PCDH9: variants seen among roughly 807,000 people sequenced by gnomAD.
The protein encoded by PCDH9 is protocadherin-9.
A neutral mutation model predicts 70.6 loss-of-function variants in PCDH9; 24 were observed. The observed-to-expected ratio is 0.34, with a 90% CI of 0.25 to 0.48. PCDH9 has a LOEUF of 0.48. PCDH9 is among the 20% of genes least tolerant of loss of function. The probability of loss-of-function intolerance (pLI) is 0.99; values close to 1 mark genes in which losing one functional copy is unlikely to be tolerated. For missense variants in PCDH9, 1,281 were observed against 1,503.6 expected, an observed-to-expected ratio of 0.85 and a Z score of 2.45; for synonymous variants, 562 against 558.5, an observed-to-expected ratio of 1.01 and a Z score of -0.09.
At chr13:66,780,758 G>A (rs921173906) in intron 3 of PCDH9, among the ~76,000 whole-genome samples, 4 of 146,674 alleles carry the variant, frequency 2.7e-5, no homozygotes, top group Non-Finnish European at 5.9e-5. Flanking sequence ...ACAGTGGAAT[G>A]TAAGTCCTAG....
At chr13:66,951,574 G>A (rs1449702427) in intron 2 of PCDH9, among the ~76,000 whole-genome samples, 1 of 152,120 alleles carries the variant, frequency 6.6e-6, no homozygotes, top group African/African-American at 2.4e-5. Flanking sequence ...GAGTGAACTG[G>A]AGAGAAGAGA....
At chr13:66,994,269 A>C (rs1011085585) in intron 2 of PCDH9, among the ~76,000 whole-genome samples, 2 of 152,122 alleles carry the variant, frequency 1.3e-5, no homozygotes, top group Non-Finnish European at 2.9e-5. Flanking sequence ...CTGGCACTGC[A>C]ACCAGCAAAT....
At chr13:66,662,725 G>A (rs1169671864) in intron 3 of PCDH9, among the ~76,000 whole-genome samples, 1 of 152,140 alleles carries the variant, frequency 6.6e-6, no homozygotes, top group Non-Finnish European at 1.5e-5. Context: ...TAGGGTTCTG[G>A]TCTGTTTTAT....
At chr13:66,870,683 G>A (rs556590366) in intron 3 of PCDH9, among the ~76,000 whole-genome samples, 48 of 152,020 alleles carry the variant, frequency 3.2e-4, no homozygotes, top group African/African-American at 1.1e-3. Context: ...CAAAACCACA[G>A]TGAGATACCA....
chr13:66,547,030 G>A (rs1242634492), intron 4 of PCDH9, among the ~76,000 whole-genome samples: 1 of 152,100 alleles, frequency 6.6e-6, no homozygotes, highest in Non-Finnish European at 1.5e-5. Flanking sequence ...GATCACCTAA[G>A]GACACATTTT....
chr13:66,806,484 T>C (rs2080412312), intron 3 of PCDH9, among the ~76,000 whole-genome samples: 1 of 151,218 alleles, frequency 6.6e-6, no homozygotes, highest in Non-Finnish European at 1.5e-5. Context: ...TTGTGCCCAG[T>C]GTAGTCTTGG....
chr13:66,757,102 G>A (rs1033958344), intron 3 of PCDH9, among the ~76,000 whole-genome samples: 2 of 152,118 alleles, frequency 1.3e-5, no homozygotes, highest in East Asian at 1.9e-4. Context: ...CTCCCAAAGT[G>A]CTGGGATTAC....
intron 4 of PCDH9, among the ~76,000 whole-genome samples, chr13:66,475,396 A>G (rs2138494121): frequency 6.6e-6 from 1 of 152,204 alleles, no homozygotes; most frequent in South Asian, 2.1e-4. Flanking sequence ...ATTTTACTAC[A>G]TACTATTCAA....
Position 66,801,594 on chromosome 13 carries a change from A to C in PCDH9, c.3138+101910T>G, listed in dbSNP as rs184687802. Among the ~76,000 whole-genome samples the C allele has an allele frequency of 3.8e-3, 571 of 152,162 alleles. 1 individual carries two copies. The highest frequency in any genetic ancestry group is 0.013 in the African/African-American group (554 of 41,550). ...CAGAATTTATCATTTTATTTGGTTGAGGATTAAGGGGAAAATCTGCTTTCA... is the reference window on the plus strand; with the variant it reads ...CAGAATTTATCATTTTATTTGGTTGCGGATTAAGGGGAAAATCTGCTTTCA... On this transcript the variant is annotated intron_variant, in intron 3 of 4. Transcript: ENST00000377865.
At chr13:67,046,546 GT>G (rs1158798668) in intron 2 of PCDH9, among the ~76,000 whole-genome samples, 14 of 152,022 alleles carry the variant, frequency 9.2e-5, no homozygotes, top group Non-Finnish European at 1.6e-4. Context: ...TTTGCTATAT[GT>G]TTTAGCGTTG....
At chr13:66,336,095 A>T (rs77254966) in intron 4 of PCDH9, among the ~76,000 whole-genome samples, 4,043 of 152,060 alleles carry the variant, frequency 0.027, 178 homozygotes, top group African/African-American at 0.091. Flanking sequence ...AATAAATGAG[A>T]TATGAAAGGC....
chr13:66,774,012 A>C (rs986723641), intron 3 of PCDH9, among the ~76,000 whole-genome samples: 32 of 152,220 alleles, frequency 2.1e-4, no homozygotes, highest in Admixed American at 7.2e-4. Flanking sequence ...TCCTGACCTC[A>C]GGTTATCCAC....
intron 2 of PCDH9, among the ~76,000 whole-genome samples, chr13:67,006,176 G>T (rs1594381753): frequency 6.6e-6 from 1 of 152,266 alleles, no homozygotes; most frequent in East Asian, 1.9e-4. Context: ...GCAGTGAGCG[G>T]AGATCGTGCC....
At chr13:66,861,041 A>G (rs1456875417) in intron 3 of PCDH9, among the ~76,000 whole-genome samples, 2 of 152,214 alleles carry the variant, frequency 1.3e-5, no homozygotes, top group Non-Finnish European at 2.9e-5. Context: ...CCAGCTGGGA[A>G]AAGAAATGTT....
intron 2 of PCDH9, among the ~76,000 whole-genome samples, chr13:67,134,500 A>C (rs2087183737): frequency 6.6e-6 from 1 of 152,160 alleles, no homozygotes; most frequent in Non-Finnish European, 1.5e-5. Context: ...CTAGAGAATC[A>C]GAGTCACTGA....
At chr13:66,445,400 C>A in intron 4 of PCDH9, among the ~76,000 whole-genome samples, 1 of 145,500 alleles carries the variant, frequency 6.9e-6, no homozygotes, top group East Asian at 2.0e-4. Flanking sequence ...ACACGCTGTT[C>A]TATATTTATC....
intron 2 of PCDH9, among the ~76,000 whole-genome samples, chr13:66,983,076 C>T (rs2083808834): frequency 1.3e-5 from 2 of 152,030 alleles, no homozygotes; most frequent in East Asian, 3.9e-4. Context: ...TGTAGAAGCT[C>T]ATAGTTAGGA....
chr13:66,575,556 G>T (rs1377211723), intron 4 of PCDH9, among the ~76,000 whole-genome samples: 3 of 152,074 alleles, frequency 2.0e-5, no homozygotes, highest in Non-Finnish European at 4.4e-5. Context: ...CAGTGAGTAC[G>T]CTCCAAACAC....
intron 2 of PCDH9, among the ~76,000 whole-genome samples, chr13:66,926,787 A>T (rs1333243023): frequency 6.6e-6 from 1 of 152,024 alleles, no homozygotes; most frequent in East Asian, 1.9e-4. Context: ...TTTTTGTGTT[A>T]AGTGCTTGCT....
Sources: gnomAD v4.1 joint callset for allele counts (sites outside exome capture counted in the v4.1 genomes callset) on GRCh38, gnomAD v4.1.1 for gene constraint, MANE v1.5 for transcripts, NCBI Gene and HGNC (gene_info 2026-07-23, HGNC 2026-07-21) for gene names.